Variants in PARVB observed in about 807,000 individuals in gnomAD.
PARVB encodes parvin beta.
A neutral mutation model predicts 47.0 loss-of-function variants in PARVB; 46 were observed. That is an observed-to-expected ratio of 0.98 (90% CI 0.77 to 1.25). The LOEUF (loss-of-function observed/expected upper bound fraction) is 1.25, where lower values mean the gene tolerates loss of function less well. PARVB is among the 50% of genes most tolerant of loss of function. PARVB has a pLI of 0.00. For synonymous variants in PARVB, 196 were observed against 196.3 expected (o/e 1.00, Z 0.01); for missense variants, 473 against 471.6 (o/e 1.00, Z -0.03).
intron 1 of PARVB, among the ~76,000 whole-genome samples, chr22:44,026,636 G>T (rs573638841): frequency 2.6e-5 from 4 of 152,364 alleles, no homozygotes; most frequent in African/African-American, 9.6e-5. Flanking sequence ...GGGTGGAGCA[G>T]CCCCTGGCCC....
At chr22:44,005,578 C>T (rs2050456644) in intron 2 of PARVB, among the ~76,000 whole-genome samples, 1 of 152,006 alleles carries the variant, frequency 6.6e-6, no homozygotes, top group African/African-American at 2.4e-5. Flanking sequence ...GGCAGGGTAC[C>T]TAAGGCTGAT....
At chr22:44,052,746 C>G (rs1210098984) in intron 1 of PARVB, among the ~76,000 whole-genome samples, 3 of 152,096 alleles carry the variant, frequency 2.0e-5, no homozygotes, top group African/African-American at 7.2e-5. Context: ...AGTTCAAGAC[C>G]AGCCTGAGCA....
intron 1 of PARVB, among the ~76,000 whole-genome samples, chr22:44,062,382 A>G (rs1326600020): frequency 1.3e-5 from 2 of 152,218 alleles, no homozygotes; most frequent in African/African-American, 2.4e-5. Flanking sequence ...TCAAGCCTGT[A>G]ACCCCAGCAC....
chr22:44,040,952 G>A (rs946345732), intron 1 of PARVB, among the ~76,000 whole-genome samples: 8 of 151,796 alleles, frequency 5.3e-5, no homozygotes, highest in African/African-American at 1.2e-4. Flanking sequence ...GCAGTGAGCC[G>A]AGATCACGCC....
intron 4 of PARVB, among the ~76,000 whole-genome samples, chr22:44,122,748 G>A (rs996303483): frequency 2.6e-5 from 4 of 152,118 alleles, no homozygotes; most frequent in Non-Finnish European, 5.9e-5. Context: ...TTGCATAAAA[G>A]GTGATGTATT....
At chr22:44,158,488 C>G (rs2147169935) in intron 11 of PARVB, among the ~76,000 whole-genome samples, 1 of 152,324 alleles carries the variant, frequency 6.6e-6, no homozygotes, top group South Asian at 2.1e-4. Context: ...TTACCAGCGT[C>G]TTTCCATTCC....
chr22:44,064,120 T>C (rs545139084), intron 1 of PARVB, among the ~76,000 whole-genome samples: 2 of 152,286 alleles, frequency 1.3e-5, no homozygotes, highest in Admixed American at 1.3e-4. Context: ...TGGAATATCC[T>C]GCTCTGTTAA....
At chr22:44,051,996 C>T (rs144172230) in intron 1 of PARVB, among the ~76,000 whole-genome samples, 16 of 152,244 alleles carry the variant, frequency 1.1e-4, no homozygotes, top group Admixed American at 5.9e-4. Context: ...GACGGATCCT[C>T]GCCTGGAGCC....
In PARVB at chr22:44,158,055, A is replaced by C; in HGVS notation, c.917A>C (p.Tyr306Ser). ...TACTTTGTTCCTCTCCACCACTTCT[A>C]CCTGACTCCGGAAAGCTTCGATCAG... ...EDYFVPLHHF[Y>S]LTPESFDQKV... The change falls in exon 11 of 13, where the codon TAC (tyrosine) becomes TCC (serine). Residue 306 changes from tyrosine (Y) to serine (S), a missense_variant. By Grantham distance (144) the Tyr-to-Ser change is moderately radical. Transcript: ENST00000338758. 1 of 1,613,710 alleles carries C rather than the reference A, an allele frequency of 6.2e-7. No homozygotes were observed. The highest frequency in any genetic ancestry group is 8.5e-7 in the Non-Finnish European group (1 of 1,179,732).
intron 3 of PARVB, among the ~76,000 whole-genome samples, chr22:44,101,280 G>C (rs1020181789): frequency 4.8e-4 from 73 of 152,044 alleles, no homozygotes; most frequent in African/African-American, 1.7e-3. Flanking sequence ...GAGGTGGCGG[G>C]CACCTGTAGT....
intron 1 of PARVB, among the ~76,000 whole-genome samples, chr22:44,092,123 T>C (rs893928024): frequency 6.6e-6 from 1 of 152,084 alleles, no homozygotes; most frequent in African/African-American, 2.4e-5. Flanking sequence ...TTTCCACTCT[T>C]TTTTTTGAGA....
chr22:44,147,914 G>T lies in PARVB; in HGVS notation c.766G>T (p.Val256Leu). 1 of 1,613,832 alleles carries T rather than the reference G, an allele frequency of 6.2e-7. No homozygotes were observed. ...CCACGCCCCGGATAAGCTCAGCGTG[G>T]TGAAGAAGGTGAGCTATTGGTGGGA... is the stretch of plus-strand genomic sequence containing the variant. Reference protein sequence around the residue: ...FDHAPDKLSVVKKSLITFVNK... With the variant: ...FDHAPDKLSVLKKSLITFVNK... Residue 256 changes from valine (V) to leucine (L), a missense_variant, in exon 9 of 13, where the codon GTG becomes TTG. Transcript: ENST00000338758.
intron 2 of PARVB, among the ~76,000 whole-genome samples, chr22:44,003,931 G>A (rs1410844032): frequency 1.3e-5 from 2 of 152,096 alleles, no homozygotes; most frequent in Admixed American, 6.6e-5. Flanking sequence ...TGTAGTTGCC[G>A]CTGCTGGGCC....
intron 1 of PARVB, among the ~76,000 whole-genome samples, chr22:44,085,449 T>C (rs1318843827): frequency 6.6e-6 from 1 of 152,126 alleles, no homozygotes; most frequent in Non-Finnish European, 1.5e-5. Flanking sequence ...GGACTACAGA[T>C]TCACACCACC....
At chr22:44,094,843 A>G (rs1200481923) in intron 2 of PARVB, among the ~76,000 whole-genome samples, 1 of 151,740 alleles carries the variant, frequency 6.6e-6, no homozygotes, top group Admixed American at 6.6e-5. Context: ...CTGGGTGAAC[A>G]GGCCTAGGCC....
intron 11 of PARVB, 28 bp from the exon 12 acceptor site, chr22:44,163,830 A>T: frequency 5.7e-6 from 9 of 1,587,284 alleles, no homozygotes; most frequent in Non-Finnish European, 7.7e-6. Flanking sequence ...TTGGACCCTA[A>T]CGCTGACCCA....
At chr22:44,063,958 G>C (rs1163079238) in intron 1 of PARVB, among the ~76,000 whole-genome samples, 1 of 152,220 alleles carries the variant, frequency 6.6e-6, no homozygotes, top group East Asian at 1.9e-4. Flanking sequence ...TCCGTGGATG[G>C]GGTGCGGTGC....
intron 2 of PARVB, among the ~76,000 whole-genome samples, chr22:44,098,768 C>T (rs936347226): frequency 2.6e-5 from 4 of 152,156 alleles, no homozygotes; most frequent in Admixed American, 6.5e-5. Context: ...GCATCACATC[C>T]GTGTCAGCAG....
intron 2 of PARVB, among the ~76,000 whole-genome samples, chr22:44,014,677 T>A (rs1464592636): frequency 6.6e-6 from 1 of 152,084 alleles, no homozygotes; most frequent in Non-Finnish European, 1.5e-5. Context: ...GAAAGCTAGT[T>A]ATGTAAACTC....
Sources: allele counts gnomAD v4.1 joint callset (sites outside exome capture counted in the v4.1 genomes callset), GRCh38; gene constraint gnomAD v4.1.1; transcripts MANE v1.5; gene names NCBI Gene and HGNC (gene_info 2026-07-23, HGNC 2026-07-21).